Variants in NEGR1 observed in about 807,000 individuals in gnomAD.
NEGR1 encodes the protein neuronal growth regulator 1.
Under a neutral mutation model 40.9 loss-of-function variants are expected in NEGR1, and 10 were observed. The observed-to-expected ratio is 0.24, with a 90% CI of 0.15 to 0.42. The LOEUF (loss-of-function observed/expected upper bound fraction) is 0.42, where lower values mean the gene tolerates loss of function less well. Among genes scored for constraint, NEGR1 ranks in the 10% least tolerant of loss-of-function variants. NEGR1 has a pLI of 1.00. For missense variants in NEGR1, 352 were observed against 438.9 expected (o/e 0.80, Z 1.77); for synonymous variants, 185 against 166.8 (o/e 1.11, Z -0.84).
chr1:72,245,559 G>C (rs527477543), intron 1 of NEGR1, among the ~76,000 whole-genome samples: 3 of 151,928 alleles, frequency 2.0e-5, no homozygotes, highest in Non-Finnish European at 2.9e-5. Context: ...TTCTCAACTA[G>C]GCATCAACTT....
chr1:71,918,147 G>A (rs370278384), intron 2 of NEGR1, among the ~76,000 whole-genome samples: 2 of 141,342 alleles, frequency 1.4e-5, no homozygotes, highest in East Asian at 4.2e-4. Context: ...AACCCGGGAG[G>A]CAGAGGTTGC....
At chr1:72,023,296 T>G (rs1483937254) in intron 1 of NEGR1, among the ~76,000 whole-genome samples, 1 of 152,156 alleles carries the variant, frequency 6.6e-6, no homozygotes, top group African/African-American at 2.4e-5. Context: ...CACAGTTCTC[T>G]GATTCAAATT....
chr1:72,046,906 GA>G (rs1054196871), intron 1 of NEGR1, among the ~76,000 whole-genome samples: 1 of 151,616 alleles, frequency 6.6e-6, no homozygotes, highest in Admixed American at 6.6e-5. Flanking sequence ...AAACATATTA[GA>G]ATGCTATTTC....
chr1:71,860,942 C>T (rs1207549399), intron 2 of NEGR1, among the ~76,000 whole-genome samples: 1 of 151,816 alleles, frequency 6.6e-6, no homozygotes. Flanking sequence ...ATTGGGTATC[C>T]AATGTAACCA....
chr1:72,248,599 A>G (rs927289481), intron 1 of NEGR1, among the ~76,000 whole-genome samples: 6 of 145,384 alleles, frequency 4.1e-5, no homozygotes, highest in Non-Finnish European at 9.0e-5. Context: ...TATTATTATT[A>G]TTATTATTAT....
chr1:72,121,378 A>G (rs1649800156), intron 1 of NEGR1, among the ~76,000 whole-genome samples: 1 of 152,048 alleles, frequency 6.6e-6, no homozygotes, highest in Non-Finnish European at 1.5e-5. Context: ...TACTTTAGAT[A>G]TATAATACAG....
At chr1:71,726,852 T>C (rs1232783624) in intron 3 of NEGR1, among the ~76,000 whole-genome samples, 2 of 151,814 alleles carry the variant, frequency 1.3e-5, no homozygotes, top group African/African-American at 4.8e-5. Context: ...TCCCAATACA[T>C]ACTGAATTCC....
chr1:72,108,564 C>A (rs1649226253), intron 1 of NEGR1, among the ~76,000 whole-genome samples: 1 of 151,444 alleles, frequency 6.6e-6, no homozygotes, highest in South Asian at 2.1e-4. Flanking sequence ...ATAAATATAT[C>A]ATTGCAATGG....
At chr1:72,213,584 A>G (rs1653688547) in intron 1 of NEGR1, among the ~76,000 whole-genome samples, 1 of 151,962 alleles carries the variant, frequency 6.6e-6, no homozygotes, top group Non-Finnish European at 1.5e-5. Flanking sequence ...TATGAGGAGA[A>G]AGGGGATATA....
chr1:72,256,627 A>G (rs560440104), intron 1 of NEGR1, among the ~76,000 whole-genome samples: 2 of 152,332 alleles, frequency 1.3e-5, no homozygotes, highest in South Asian at 4.1e-4. Flanking sequence ...AGAGAAGGAG[A>G]AGAAAATTAA....
intron 1 of NEGR1, among the ~76,000 whole-genome samples, chr1:71,941,647 A>T (rs1468702658): frequency 2.0e-5 from 3 of 152,106 alleles, no homozygotes; most frequent in Admixed American, 1.3e-4. Context: ...ATCCTTAGAG[A>T]TGATAAGAAT....
intron 1 of NEGR1, among the ~76,000 whole-genome samples, chr1:72,156,710 G>C (rs934565885): frequency 2.0e-5 from 3 of 152,076 alleles, no homozygotes; most frequent in Non-Finnish European, 2.9e-5. Context: ...CCAATGTAAA[G>C]CAGAATTGAT....
chr1:72,259,400 T>G (rs1272432828), intron 1 of NEGR1, among the ~76,000 whole-genome samples: 2 of 152,118 alleles, frequency 1.3e-5, no homozygotes, highest in African/African-American at 2.4e-5. Context: ...CCTCTTCTCC[T>G]TCTATACATT....
At chr1:71,988,234 C>T (rs1646416437) in intron 1 of NEGR1, among the ~76,000 whole-genome samples, 1 of 152,030 alleles carries the variant, frequency 6.6e-6, no homozygotes. Context: ...CCAGAGACAT[C>T]CATGTAAAAG....
chr1:71,850,582 T>C (rs1276549387), intron 2 of NEGR1, among the ~76,000 whole-genome samples: 1 of 152,224 alleles, frequency 6.6e-6, no homozygotes, highest in Non-Finnish European at 1.5e-5. Context: ...GTATCAGTGA[T>C]TGTATGTTAT....
At chr1:72,192,205 G>C (rs1444085198) in intron 1 of NEGR1, among the ~76,000 whole-genome samples, 1 of 151,544 alleles carries the variant, frequency 6.6e-6, no homozygotes, top group African/African-American at 2.4e-5. Context: ...TAATCTGGAG[G>C]GCACTTGTCC....
chr1:71,790,257 A>T (rs17091763), intron 2 of NEGR1, among the ~76,000 whole-genome samples: 2,600 of 152,204 alleles, frequency 0.017, 63 homozygotes, highest in African/African-American at 0.059. Flanking sequence ...ATTCATGTCT[A>T]TATGGAAGCA....
intron 1 of NEGR1, among the ~76,000 whole-genome samples, chr1:72,139,328 T>C (rs1251246105): frequency 1.4e-5 from 2 of 147,176 alleles, no homozygotes; most frequent in Admixed American, 1.3e-4. Flanking sequence ...ATCAATAAAA[T>C]AGATAATAGA....
At chr1:71,523,558 A>G (rs1459629145) in intron 6 of NEGR1, among the ~76,000 whole-genome samples, 1 of 151,918 alleles carries the variant, frequency 6.6e-6, no homozygotes, top group Non-Finnish European at 1.5e-5. Flanking sequence ...AGTTTATTTA[A>G]GGTAAACAAT....
Sources: allele counts gnomAD v4.1 joint callset (sites outside exome capture counted in the v4.1 genomes callset), GRCh38; gene constraint gnomAD v4.1.1; transcripts MANE v1.5; gene names NCBI Gene and HGNC (gene_info 2026-07-23, HGNC 2026-07-21).